The following DESI2 variants were observed in gnomAD, a reference collection of about 807,000 sequenced individuals.
DESI2 encodes the protein desumoylating isopeptidase 2.
Under a neutral mutation model 24.1 loss-of-function variants are expected in DESI2, and 10 were observed. The observed-to-expected ratio is 0.41, with a 90% confidence interval of 0.26 to 0.70. The LOEUF (loss-of-function observed/expected upper bound fraction) is 0.70, where lower values mean the gene tolerates loss of function less well. Ranked by LOEUF, DESI2 falls within the 30% of genes least tolerant of loss-of-function variation. The pLI, the probability that DESI2 is intolerant of heterozygous loss-of-function variation, is 0.29. For missense variants in DESI2, 122 were observed against 234.9 expected, an observed-to-expected ratio of 0.52 and a Z score of 3.14; for synonymous variants, 71 against 87.7, an observed-to-expected ratio of 0.81 and a Z score of 1.06.
Position 244,664,396 on chromosome 1 carries a change from C to T in DESI2, c.42+11041C>T, listed in dbSNP as rs115233236. 4.3e-3 allele frequency among the ~76,000 whole-genome samples: 660 copies of T among 152,154 alleles called. 3 individuals carry two copies. The highest frequency in any genetic ancestry group is 0.015 in the African/African-American group (622 of 41,500). ...AAAATCAAACCTACAGGGAAAAGAG[C>T]AACGAAGACGTAATCCATATGGTGT... On this transcript the variant is annotated intron_variant, in intron 1 of 4. Transcript: ENST00000302550.
intron 1 of DESI2, among the ~76,000 whole-genome samples, chr1:244,661,979 T>C (rs12728800): frequency 0.013 from 2,042 of 152,322 alleles, 46 homozygotes; most frequent in Non-Finnish European, 0.015. Flanking sequence ...CCTGAGGAAT[T>C]GCCACACTGA....
At chr1:244,659,197 AG>A (rs1675753331) in intron 1 of DESI2, among the ~76,000 whole-genome samples, 1 of 141,042 alleles carries the variant, frequency 7.1e-6, no homozygotes. Flanking sequence ...TTAGGGGGGA[AG>A]GGGGTGGGGG....
In DESI2 at chr1:244,694,558, G is replaced by C. The variant is rs977679658; in HGVS notation, c.351+2538G>C. 100 of 788,456 alleles carry C rather than the reference G, an allele frequency of 1.3e-4. No individual in the cohort carries two copies. In the African/African-American group the frequency reaches 1.6e-3, roughly 13 times the overall value. 48.8% of individuals were successfully genotyped at this position (788,456 alleles called of 1,614,324 possible). On this transcript the variant is annotated intron_variant, in intron 4 of 4. Transcript: ENST00000302550. ...ATTCGACCAGTCCCAGTGGTATTTT[G>C]TCTTTTAGCCTTGGCACTGCCGTTA... is the stretch of plus-strand genomic sequence containing the variant.
At chr1:244,668,489 A>G (rs555060466) in intron 1 of DESI2, among the ~76,000 whole-genome samples, 2 of 152,348 alleles carry the variant, frequency 1.3e-5, no homozygotes, top group South Asian at 4.1e-4. Flanking sequence ...AAATAAGTCA[A>G]ACACTTGCTT....
chr1:244,697,990 A>C (rs1677287296), intron 4 of DESI2, among the ~76,000 whole-genome samples: 2 of 152,206 alleles, frequency 1.3e-5, no homozygotes, highest in South Asian at 2.1e-4. Context: ...TGTAATATTA[A>C]ACCTTTTGCT....
chr1:244,667,748 T>C (rs913492726), intron 1 of DESI2, among the ~76,000 whole-genome samples: 1 of 152,162 alleles, frequency 6.6e-6, no homozygotes, highest in Non-Finnish European at 1.5e-5. Flanking sequence ...TGACTCTTAC[T>C]CTGAACTAGT....
intron 1 of DESI2, among the ~76,000 whole-genome samples, chr1:244,670,721 G>C (rs890089859): frequency 4.6e-5 from 7 of 152,162 alleles, no homozygotes; most frequent in Admixed American, 1.3e-4. Context: ...CTGGCTCCAG[G>C]ATTCTGAATT....
At chr1:244,666,203 G>A (rs1021702101) in intron 1 of DESI2, among the ~76,000 whole-genome samples, 7 of 152,010 alleles carry the variant, frequency 4.6e-5, no homozygotes, top group African/African-American at 1.5e-4. Flanking sequence ...GAAAAGAAAA[G>A]GCAGTTTTCT....
intron 4 of DESI2, among the ~76,000 whole-genome samples, chr1:244,692,572 GGCA>G (rs1171855085): frequency 6.6e-6 from 1 of 152,166 alleles, no homozygotes; most frequent in Non-Finnish European, 1.5e-5. Flanking sequence ...CTAGGGAATT[GGCA>G]CTTGAAGCAG....
At chr1:244,696,898 G>A (rs1490783068) in intron 4 of DESI2, among the ~76,000 whole-genome samples, 2 of 152,148 alleles carry the variant, frequency 1.3e-5, no homozygotes, top group Admixed American at 6.5e-5. Flanking sequence ...ACGCCTGCAT[G>A]ACCAGCCCCC....
intron 3 of DESI2, 150 bp from the exon 4 acceptor site, chr1:244,691,729 C>T (rs1487994744): frequency 1.7e-5 from 10 of 588,672 alleles, no homozygotes; most frequent in Non-Finnish European, 2.8e-5. Context: ...TATCTTGTTT[C>T]ACTTTTAGTC....
At position 244,660,465 on chromosome 1, in the gene DESI2, C is replaced by T. The variant is rs183646907; in HGVS notation, c.42+7110C>T. On this transcript the variant is annotated intron_variant, in intron 1 of 4. Coordinates refer to ENST00000302550, the MANE Select transcript of DESI2 (RefSeq NM_016076.5). ...ATAGGCGTGAGCCACCGCACCCGGT[C>T]GGATTTTTCTTAAGATGGGATGTAC... Among the ~76,000 whole-genome samples, 18 of 152,254 alleles carry T rather than the reference C, an allele frequency of 1.2e-4. 1 individual carries two copies. The highest frequency in any genetic ancestry group is 3.1e-4 in the African/African-American group (13 of 41,530).
intron 4 of DESI2, among the ~76,000 whole-genome samples, chr1:244,695,498 T>TA (rs2148813190): frequency 6.6e-6 from 1 of 151,978 alleles, no homozygotes; most frequent in South Asian, 2.1e-4. Flanking sequence ...ACTAAAAATA[T>TA]AAAAATTAGC....
At chr1:244,702,509 A>G (rs570489882) in intron 4 of DESI2, among the ~76,000 whole-genome samples, 82 of 152,126 alleles carry the variant, frequency 5.4e-4, no homozygotes, top group Non-Finnish European at 1.0e-3. Flanking sequence ...CCAAGACTCC[A>G]TCTCAAAAAA....
At chr1:244,658,794 G>T (rs1334496023) in intron 1 of DESI2, among the ~76,000 whole-genome samples, 1 of 152,148 alleles carries the variant, frequency 6.6e-6, no homozygotes, top group Non-Finnish European at 1.5e-5. Context: ...GGACTAGGGT[G>T]TCCAGATGAA....
chr1:244,653,246 T>G lies in DESI2; in HGVS notation c.-68T>G, dbSNP rs1573167090. On this transcript the variant is annotated 5_prime_UTR_variant, in exon 1 of 5. Transcript: ENST00000302550. Reference sequence around the variant, plus strand: ...AGGCCCCCTGAAGCGCCCGCGGGGGTGAGAGCGGCCTCCGGCCCCGCGGAG... The same window carrying G: ...AGGCCCCCTGAAGCGCCCGCGGGGGGGAGAGCGGCCTCCGGCCCCGCGGAG... The G allele has an allele frequency of 2.1e-6, 3 of 1,421,602 alleles. No homozygotes were observed. Among genetic ancestry groups the G allele is most frequent in the South Asian group, 1.6e-5 (1 of 62,674 alleles). 88.1% of individuals were successfully genotyped at this position (1,421,602 alleles called of 1,614,324 possible).
intron 1 of DESI2, among the ~76,000 whole-genome samples, chr1:244,661,146 T>A (rs2148782063): frequency 6.6e-6 from 1 of 152,352 alleles, no homozygotes; most frequent in African/African-American, 2.4e-5. Context: ...AAACTGAGAC[T>A]CTATACCCAC....
chr1:244,697,873 T>A (rs770424693), intron 4 of DESI2, among the ~76,000 whole-genome samples: 59 of 152,168 alleles, frequency 3.9e-4, no homozygotes, highest in Non-Finnish European at 4.9e-4. Context: ...AAAGGTTGAA[T>A]CAGTTCTCAG....
chr1:244,665,151 C>T (rs994701527), intron 1 of DESI2, among the ~76,000 whole-genome samples: 5 of 151,848 alleles, frequency 3.3e-5, no homozygotes, highest in African/African-American at 9.7e-5. Flanking sequence ...TTGAATCTTC[C>T]GATATTAATA....
Sources: allele counts gnomAD v4.1 joint callset (sites outside exome capture counted in the v4.1 genomes callset), GRCh38; gene constraint gnomAD v4.1.1; transcripts MANE v1.5; gene names NCBI Gene and HGNC (gene_info 2026-07-23, HGNC 2026-07-21).